The following DYRK1A variants were observed in gnomAD, a reference collection of about 807,000 sequenced individuals.
The protein encoded by DYRK1A is dual specificity tyrosine-phosphorylation-regulated kinase 1A.
A neutral mutation model predicts 79.7 loss-of-function variants in DYRK1A; 9 were observed. The ratio of observed to expected loss-of-function variants is 0.11; its 90% CI spans 0.07 to 0.20. DYRK1A has a LOEUF of 0.20. Among genes scored for constraint, DYRK1A ranks in the 10% least tolerant of loss-of-function variants. The pLI, the probability that DYRK1A is intolerant of heterozygous loss-of-function variation, is 1.00. For synonymous variants in DYRK1A, 349 were observed against 329.7 expected, an observed-to-expected ratio of 1.06 and a Z score of -0.63; for missense variants, 622 against 956.0, an observed-to-expected ratio of 0.65 and a Z score of 4.61.
intron 1 of DYRK1A, among the ~76,000 whole-genome samples, chr21:37,387,352 C>T (rs2049780202): frequency 6.6e-6 from 1 of 152,086 alleles, no homozygotes; most frequent in Admixed American, 6.5e-5. Flanking sequence ...TTTTGTTCAC[C>T]ATAAACCAGA....
Position 37,378,430 on chromosome 21 carries a change from G to A in DYRK1A, c.-77+10802G>A, listed in dbSNP as rs1602363262. Among the ~76,000 whole-genome samples the A allele has an allele frequency of 2.0e-5, 3 of 152,358 alleles. No individual in the cohort carries two copies. The South Asian group carries it at 6.2e-4, about 32-fold the overall frequency. On this transcript the variant is annotated intron_variant, in intron 1 of 11. Coordinates refer to ENST00000647188, the MANE Select transcript of DYRK1A (RefSeq NM_001347721.2). ...GCCTGTAATCCCAGCTACTGGGGAGGCTGAGGCAGGAGAATTGCTTGAACC... is the reference window on the plus strand; with the variant it reads ...GCCTGTAATCCCAGCTACTGGGGAGACTGAGGCAGGAGAATTGCTTGAACC...
chr21:37,387,207 T>G (rs1005713327), intron 1 of DYRK1A, among the ~76,000 whole-genome samples: 18 of 152,356 alleles, frequency 1.2e-4, no homozygotes, highest in African/African-American at 4.3e-4. Context: ...TTTAATACAT[T>G]ATTTGTTGAT....
chr21:37,444,946 A>G (rs2051220709), intron 2 of DYRK1A, among the ~76,000 whole-genome samples: 1 of 152,108 alleles, frequency 6.6e-6, no homozygotes, highest in African/African-American at 2.4e-5. Context: ...GAAGAGGGGA[A>G]GTGACTGGGG....
chr21:37,473,502 C>T (rs943217457), intron 3 of DYRK1A, among the ~76,000 whole-genome samples: 1 of 152,040 alleles, frequency 6.6e-6, no homozygotes, highest in Admixed American at 6.5e-5. Flanking sequence ...GCACCGTCTA[C>T]GTTGAGTTTT....
chr21:37,429,398 T>C (rs1047111712), intron 2 of DYRK1A, among the ~76,000 whole-genome samples: 7 of 152,160 alleles, frequency 4.6e-5, no homozygotes, highest in South Asian at 2.1e-4. Context: ...AGAGTTTTAA[T>C]TGGTACACGG....
At chr21:37,487,242 G>A (rs777651269) in intron 6 of DYRK1A, 1 of 152,086 alleles carries the variant, frequency 6.6e-6, no homozygotes, top group African/African-American at 2.4e-5. Flanking sequence ...CCCATACCCA[G>A]GGTCATAGGG....
intron 2 of DYRK1A, among the ~76,000 whole-genome samples, chr21:37,444,359 A>C (rs1054906758): frequency 6.0e-5 from 9 of 149,514 alleles, no homozygotes. Context: ...CAGTAACTGC[A>C]GGAAGGATTG....
intron 3 of DYRK1A, among the ~76,000 whole-genome samples, chr21:37,473,773 A>C (rs2052306359): frequency 6.6e-6 from 1 of 152,200 alleles, no homozygotes; most frequent in South Asian, 2.1e-4. Context: ...TGTTTAAAAT[A>C]TACAACATGT....
chr21:37,506,177 T>A lies in DYRK1A; in HGVS notation c.1598T>A (p.Phe533Tyr), dbSNP rs2053591497. The A allele has an allele frequency of 2.5e-6, 4 of 1,614,170 alleles. No individual in the cohort carries two copies. The highest frequency in any genetic ancestry group is 3.4e-6 in the Non-Finnish European group (4 of 1,180,042). The change falls in exon 11 of 12, where the codon TTC becomes TAC. Residue 533 changes from phenylalanine (F) to tyrosine (Y), a missense_variant. Phe to Tyr is a conservative substitution (Grantham distance 22). This residue lies in a region of DYRK1A where 292 missense variants were observed against 316.7 expected (regional missense o/e 0.92). Coordinates refer to ENST00000647188, the MANE Select transcript of DYRK1A (RefSeq NM_001347721.2). ...THQHRHSGGHFTAAVQAMDCE... is the reference protein window; with the variant it reads ...THQHRHSGGHYTAAVQAMDCE... The stretch of plus-strand genomic sequence containing the variant: ...CAGCATCGGCACAGTGGTGGGCACT[T>A]CACAGCTGCCGTGCAGGCCATGGAC...
chr21:37,405,396 G>A (rs1287239017), intron 1 of DYRK1A, among the ~76,000 whole-genome samples: 2 of 152,160 alleles, frequency 1.3e-5, no homozygotes, highest in Admixed American at 6.6e-5. Context: ...ACTATAGGGA[G>A]CGAGTCAAGT....
rs2053964527 is a variant in DYRK1A, at chr21:37,525,872, A to T, written c.*13341A>T. 1 of 152,082 alleles carries T rather than the reference A, an allele frequency of 6.6e-6. No individual in the cohort carries two copies. The allele number at this position is 152,082 out of a possible 1,614,324, so 9.4% of individuals were successfully genotyped here. ...TTTTGAGCTCAGGACAAAGATTGAA[A>T]TTTTTCTGAATGAGAACTGCCCCGA... is the stretch of plus-strand genomic sequence containing the variant. On this transcript the variant is annotated 3_prime_UTR_variant, in exon 12 of 12. Transcript: ENST00000647188.
intron 2 of DYRK1A, among the ~76,000 whole-genome samples, chr21:37,447,123 C>G (rs151252935): frequency 6.6e-6 from 1 of 152,096 alleles, no homozygotes; most frequent in Admixed American, 6.5e-5. Context: ...TTTTATATCC[C>G]CTTCCTCCCT....
chr21:37,507,216 A>G (rs949577056), intron 11 of DYRK1A, among the ~76,000 whole-genome samples: 17 of 152,030 alleles, frequency 1.1e-4, no homozygotes, highest in African/African-American at 3.9e-4. Flanking sequence ...TTTTGTTAGA[A>G]GCAGTGTGTT....
chr21:37,412,345 C>T (rs1250218406), intron 1 of DYRK1A, among the ~76,000 whole-genome samples: 2 of 152,304 alleles, frequency 1.3e-5, no homozygotes, highest in African/African-American at 4.8e-5. Flanking sequence ...GTATGTGTAG[C>T]AGCTTTATGC....
At chr21:37,466,549 G>A (rs1194671932) in intron 2 of DYRK1A, among the ~76,000 whole-genome samples, 1 of 152,096 alleles carries the variant, frequency 6.6e-6, no homozygotes, top group Admixed American at 6.6e-5. Flanking sequence ...ACAGAAGAAG[G>A]TAAAGGTAAA....
At chr21:37,471,655 G>A (rs758967794) in intron 2 of DYRK1A, among the ~76,000 whole-genome samples, 33 of 152,146 alleles carry the variant, frequency 2.2e-4, no homozygotes, top group Admixed American at 3.9e-4. Flanking sequence ...GCTGGTCACC[G>A]GTAGTGCTGG....
chr21:37,504,332 A>G (rs1183718512), intron 9 of DYRK1A: 1 of 152,302 alleles, frequency 6.6e-6, no homozygotes, highest in Non-Finnish European at 1.5e-5. Flanking sequence ...CCTGGCCGTC[A>G]GAAGTTGGTT....
chr21:37,485,774 G>C lies in DYRK1A; in HGVS notation c.490-693G>C, dbSNP rs140805037. ...TAGTAGTATGAACCTCGTTTTAAAT[G>C]AGTCAGATTTCAAGTGAGAGGTGTT... On this transcript the variant is annotated intron_variant, in intron 5 of 11. Transcript: ENST00000647188. Among the ~76,000 whole-genome samples, 11 of 152,208 alleles carry C rather than the reference G, an allele frequency of 7.2e-5. 1 individual carries two copies. The East Asian group carries it at 2.1e-3, about 29-fold the overall frequency.
At chr21:37,498,031 G>C (rs2053326371) in intron 9 of DYRK1A, among the ~76,000 whole-genome samples, 1 of 152,064 alleles carries the variant, frequency 6.6e-6, no homozygotes, top group Non-Finnish European at 1.5e-5. Context: ...TAAGAATTTT[G>C]ACTAGAGATA....
Sources: allele counts gnomAD v4.1 joint callset (sites outside exome capture counted in the v4.1 genomes callset), GRCh38; gene constraint gnomAD v4.1.1; regional missense constraint gnomAD v4.1.1; transcripts MANE v1.5; gene names NCBI Gene and HGNC (gene_info 2026-07-23, HGNC 2026-07-21).